The following ASIC2 variants were observed in gnomAD, a reference collection of about 807,000 sequenced individuals.
ASIC2 encodes acid sensing ion channel subunit 2.
In ASIC2, 25 loss-of-function variants were observed where a neutral mutation model predicts 57.3. That is an observed-to-expected ratio of 0.44 (90% CI 0.32 to 0.61). ASIC2 has a LOEUF of 0.61. Among genes scored for constraint, ASIC2 ranks in the 20% least tolerant of loss-of-function variants. The pLI is 0.06. For missense variants in ASIC2, 641 were observed against 738.1 expected, an observed-to-expected ratio of 0.87 and a Z score of 1.52; for synonymous variants, 319 against 307.5, an observed-to-expected ratio of 1.04 and a Z score of -0.39.
chr17:33,387,314 C>T (rs1054192523), intron 1 of ASIC2, among the ~76,000 whole-genome samples: 1 of 152,102 alleles, frequency 6.6e-6, no homozygotes, highest in Non-Finnish European at 1.5e-5. Context: ...GGATTCAGAC[C>T]CAGCTGTGAC....
chr17:33,218,143 T>C (rs1003510089), intron 1 of ASIC2, among the ~76,000 whole-genome samples: 1 of 152,256 alleles, frequency 6.6e-6, no homozygotes, highest in Non-Finnish European at 1.5e-5. Context: ...GCCGTGCTGT[T>C]GACTCTGGCA....
intron 1 of ASIC2, chr17:33,833,795 C>G (rs1311748533): frequency 6.7e-6 from 1 of 148,742 alleles, no homozygotes; most frequent in Admixed American, 6.7e-5. Flanking sequence ...CTGTCTATGC[C>G]TGTAATCTGA....
At chr17:34,141,882 A>G (rs766198103) in intron 1 of ASIC2, among the ~76,000 whole-genome samples, 5 of 152,180 alleles carry the variant, frequency 3.3e-5, no homozygotes, top group Non-Finnish European at 5.9e-5. Context: ...TCTGGGGGGA[A>G]CAATGGCCCC....
chr17:33,892,874 C>T (rs769448755), intron 1 of ASIC2, among the ~76,000 whole-genome samples: 1 of 152,134 alleles, frequency 6.6e-6, no homozygotes, highest in Non-Finnish European at 1.5e-5. Flanking sequence ...CAGCAGCGAA[C>T]CAAGGGAGCA....
intron 1 of ASIC2, among the ~76,000 whole-genome samples, chr17:33,521,833 G>A (rs889491930): frequency 5.3e-5 from 8 of 152,180 alleles, no homozygotes; most frequent in African/African-American, 1.7e-4. Flanking sequence ...CCTGATGTGG[G>A]GCCTCTGAAG....
intron 1 of ASIC2, among the ~76,000 whole-genome samples, chr17:33,487,864 G>A (rs979943897): frequency 3.9e-5 from 6 of 152,260 alleles, no homozygotes; most frequent in Admixed American, 1.3e-4. Context: ...CTACATCAGC[G>A]GTTTGCCAGG....
chr17:34,105,557 C>A (rs910481000), intron 1 of ASIC2, among the ~76,000 whole-genome samples: 1 of 144,382 alleles, frequency 6.9e-6, no homozygotes, highest in Admixed American at 7.0e-5. Context: ...TACCTTTCTT[C>A]CTAATATAAA....
At chr17:33,712,098 G>A (rs1003575515) in intron 1 of ASIC2, among the ~76,000 whole-genome samples, 2 of 152,142 alleles carry the variant, frequency 1.3e-5, no homozygotes, top group Non-Finnish European at 2.9e-5. Flanking sequence ...AAAACCTTTG[G>A]AGAAGTTACT....
At chr17:33,626,128 G>A (rs1046064901) in intron 1 of ASIC2, among the ~76,000 whole-genome samples, 3 of 152,144 alleles carry the variant, frequency 2.0e-5, no homozygotes, top group African/African-American at 7.2e-5. Context: ...GAATGCAGTG[G>A]GGCACTGGAT....
At chr17:33,493,738 T>A (rs1913837432) in intron 1 of ASIC2, among the ~76,000 whole-genome samples, 1 of 152,118 alleles carries the variant, frequency 6.6e-6, no homozygotes, top group Non-Finnish European at 1.5e-5. Flanking sequence ...TCCCCCAAGA[T>A]AGCATTCTTA....
At chr17:33,270,967 T>G (rs890664699) in intron 1 of ASIC2, among the ~76,000 whole-genome samples, 6 of 152,116 alleles carry the variant, frequency 3.9e-5, no homozygotes, top group Non-Finnish European at 8.8e-5. Context: ...TTGGTCAAAG[T>G]CAGAAAGCCA....
intron 1 of ASIC2, among the ~76,000 whole-genome samples, chr17:33,956,481 A>C (rs1167409296): frequency 6.6e-6 from 1 of 152,032 alleles, no homozygotes; most frequent in Non-Finnish European, 1.5e-5. Context: ...CTACTTTCCA[A>C]CCTCCATCTC....
intron 1 of ASIC2, among the ~76,000 whole-genome samples, chr17:33,552,614 G>A (rs574033596): frequency 3.7e-4 from 56 of 152,354 alleles, no homozygotes; most frequent in African/African-American, 1.2e-3. Context: ...TGCCATGAGT[G>A]AGGGTGAGAC....
chr17:33,842,351 C>T (rs1268304354), intron 1 of ASIC2, among the ~76,000 whole-genome samples: 1 of 152,150 alleles, frequency 6.6e-6, no homozygotes, highest in African/African-American at 2.4e-5. Flanking sequence ...TGCCTAGATT[C>T]CCCAGCTCGG....
intron 1 of ASIC2, chr17:34,037,621 T>A (rs1907939278): frequency 6.3e-7 from 1 of 1,591,736 alleles, no homozygotes; most frequent in Admixed American, 1.7e-5. Flanking sequence ...GGAGTCAGTC[T>A]CAATTAGAAG....
At chr17:33,055,898 G>T (rs183850967) in intron 3 of ASIC2, among the ~76,000 whole-genome samples, 1 of 152,284 alleles carries the variant, frequency 6.6e-6, no homozygotes, top group Non-Finnish European at 1.5e-5. Flanking sequence ...GTTGTCAACC[G>T]CACTCTGCGT....
At chr17:33,577,594 G>C (rs937159302) in intron 1 of ASIC2, among the ~76,000 whole-genome samples, 2 of 152,086 alleles carry the variant, frequency 1.3e-5, no homozygotes, top group African/African-American at 4.8e-5. Context: ...ATATGGCCCT[G>C]GAATGAGCAT....
chr17:33,553,124 G>T (rs1915801349), intron 1 of ASIC2, among the ~76,000 whole-genome samples: 1 of 152,154 alleles, frequency 6.6e-6, no homozygotes, highest in Non-Finnish European at 1.5e-5. Context: ...GGCCCTAGTG[G>T]AATTGGAGTC....
chr17:33,123,043 G>A (rs2092309248), intron 1 of ASIC2, among the ~76,000 whole-genome samples: 1 of 152,184 alleles, frequency 6.6e-6, no homozygotes, highest in African/African-American at 2.4e-5. Context: ...CTGTTGGTGG[G>A]AATGTAAATT....
Sources: gnomAD v4.1 joint callset for allele counts (sites outside exome capture counted in the v4.1 genomes callset) on GRCh38, gnomAD v4.1.1 for gene constraint, MANE v1.5 for transcripts, NCBI Gene and HGNC (gene_info 2026-07-23, HGNC 2026-07-21) for gene names.